The following DNAH8 variants were observed in gnomAD, a reference collection of about 807,000 sequenced individuals.
The protein encoded by DNAH8 is dynein axonemal heavy chain 8.
In DNAH8, 382 loss-of-function variants were observed where a neutral mutation model predicts 562.1. That is an observed-to-expected ratio of 0.68 (90% CI 0.63 to 0.74). The LOEUF is 0.74. Ranked by LOEUF, DNAH8 falls within the 30% of genes least tolerant of loss-of-function variation. The pLI is 0.00. For missense variants in DNAH8, 5,203 were observed against 5,620.4 expected (o/e 0.93, Z 2.37); for synonymous variants, 1,881 against 1,919.4 (o/e 0.98, Z 0.52).
At chr6:38,875,930 A>C (rs1244420708) in intron 53 of DNAH8, 102 bp downstream of exon 53, 1 of 743,652 alleles carries the variant, frequency 1.3e-6, no homozygotes, top group Non-Finnish European at 2.2e-6. Flanking sequence ...AACAATTATG[A>C]AAACATAATT....
At chr6:39,024,074 CTT>C (rs1279569372) in intron 91 of DNAH8, among the ~76,000 whole-genome samples, 15 of 152,218 alleles carry the variant, frequency 9.9e-5, no homozygotes, top group Non-Finnish European at 2.2e-4. Context: ...TGGCTTAAGT[CTT>C]TGTAGCAGAT....
chr6:38,895,943 A>G, intron 59 of DNAH8, 90 bp from the exon 60 acceptor site: 2 of 1,067,868 alleles, frequency 1.9e-6, no homozygotes, highest in Non-Finnish European at 2.8e-6. Flanking sequence ...GAGAAGGTCC[A>G]GGGTGGGGCT....
At position 38,750,654 on chromosome 6, in the gene DNAH8, A is replaced by C. The variant is rs765460224; in HGVS notation, c.1407+65A>C. The stretch of plus-strand genomic sequence containing the variant: ...GTGGCTCGCATCTGTGATTCTAGCT[A>C]CTCAGAAGGCTGAGGTGGAAGGATC... On this transcript the variant is annotated intron_variant, in intron 9 of 92. Transcript: ENST00000327475. 7.9e-6 allele frequency: 8 copies of C among 1,011,656 alleles called. No individual in the cohort carries two copies. In the Admixed American group the frequency reaches 9.8e-5, roughly 12 times the overall value. 62.7% of individuals were successfully genotyped at this position (1,011,656 alleles called of 1,614,324 possible). A position where few individuals can be genotyped will look rare whatever the true frequency, so the allele number is the denominator to read the frequency against.
chr6:38,897,524 A>G (rs1254172857), intron 60 of DNAH8, among the ~76,000 whole-genome samples: 1 of 152,252 alleles, frequency 6.6e-6, no homozygotes, highest in African/African-American at 2.4e-5. Flanking sequence ...AAACAGCAAC[A>G]TGTCATTCTT....
At chr6:38,750,778 A>G (rs1765374105) in intron 9 of DNAH8, among the ~76,000 whole-genome samples, 189 bp downstream of exon 9, 1 of 152,184 alleles carries the variant, frequency 6.6e-6, no homozygotes, top group Non-Finnish European at 1.5e-5. Context: ...TATAAAAAAA[A>G]ATAGTACAAT....
intron 88 of DNAH8, 46 bp from the exon 89 acceptor site, chr6:39,008,768 T>TA (rs751239160): frequency 1.6e-6 from 2 of 1,246,648 alleles, no homozygotes; most frequent in Non-Finnish European, 2.3e-6. Context: ...ACTTATCTCT[T>TA]ACATGTTTCC....
At chr6:38,901,727 A>G (rs182251116) in intron 62 of DNAH8, among the ~76,000 whole-genome samples, 11 of 152,258 alleles carry the variant, frequency 7.2e-5, no homozygotes. Flanking sequence ...CACACAAATC[A>G]TTCTGCTGCC....
chr6:38,958,080 C>T (rs969091472), intron 82 of DNAH8, among the ~76,000 whole-genome samples: 1 of 151,400 alleles, frequency 6.6e-6, no homozygotes, highest in African/African-American at 2.4e-5. Flanking sequence ...CGGCTCACTG[C>T]AAGCTCCGCC....
chr6:38,718,842 T>G (rs757975053), intron 1 of DNAH8, among the ~76,000 whole-genome samples: 3 of 152,184 alleles, frequency 2.0e-5, no homozygotes, highest in African/African-American at 7.2e-5. Flanking sequence ...TATGATATGA[T>G]GTCGTTCTAA....
At chr6:38,915,855 C>CAT (rs1319406835) in intron 68 of DNAH8, among the ~76,000 whole-genome samples, 56 of 58,412 alleles carry the variant, frequency 9.6e-4, no homozygotes, top group African/African-American at 1.7e-3. Context: ...CACACACATA[C>CAT]ACACACACAC....
chr6:38,823,490 A>T, intron 27 of DNAH8, 72 bp from the exon 28 acceptor site: 1 of 1,219,652 alleles, frequency 8.2e-7, no homozygotes, highest in Non-Finnish European at 1.2e-6. Context: ...GAGCAAATGC[A>T]ATTTTCTAAT....
rs139459495 is a variant in DNAH8, at chr6:38,883,899, T to G, written c.8160T>G (p.Asp2720Glu). 32 of 1,587,096 alleles carry G rather than the reference T, an allele frequency of 2.0e-5. No individual in the cohort carries two copies. Among genetic ancestry groups the G allele is most frequent in the Non-Finnish European group, 2.6e-5 (30 of 1,165,188 alleles). Residue 2720 changes from aspartate to glutamate, a missense_variant, in exon 56 of 93, where the codon GAT becomes GAG. Physicochemically the swap from Asp to Glu is conservative, Grantham distance 45. This residue lies in a region of DNAH8 where 977 missense variants were observed against 1,061.8 expected (regional missense o/e 0.92). Transcript: ENST00000327475. Reference protein sequence around the residue: ...MFQRTIESYVDKRIGSTYGPP... With the variant: ...MFQRTIESYVEKRIGSTYGPP... ...AGAGAACAATTGAAAGCTACGTGGATAAGCGAATTGGAAGCACATATGGGC... is the reference window on the plus strand; with the variant it reads ...AGAGAACAATTGAAAGCTACGTGGAGAAGCGAATTGGAAGCACATATGGGC...
intron 23 of DNAH8, among the ~76,000 whole-genome samples, chr6:38,807,327 C>G (rs1343282314): frequency 6.6e-6 from 1 of 152,102 alleles, no homozygotes; most frequent in Non-Finnish European, 1.5e-5. Flanking sequence ...ATTGAGCAAG[C>G]CAGGATTACT....
Position 38,755,146 on chromosome 6 carries a change from A to T in DNAH8, c.1408-826A>T, listed in dbSNP as rs76492165. Among the ~76,000 whole-genome samples, 74 of 152,170 alleles carry T rather than the reference A, an allele frequency of 4.9e-4. 1 individual carries two copies. In the East Asian group the frequency reaches 0.014, roughly 29 times the overall value. ...TGGCCTAGTATTATGTAGGAGTTAG[A>T]TTCCTCATCTTGGGTGTCTTTTTTC... On this transcript the variant is annotated intron_variant, in intron 9 of 92. Transcript: ENST00000327475.
intron 39 of DNAH8, 61 bp from the exon 40 acceptor site, chr6:38,852,633 A>T: frequency 8.2e-7 from 1 of 1,222,388 alleles, no homozygotes; most frequent in Non-Finnish European, 1.2e-6. Flanking sequence ...TAAGGCTTTT[A>T]AAAACATCTC....
intron 15 of DNAH8, 78 bp downstream of exon 15, chr6:38,780,143 C>A: frequency 7.4e-7 from 1 of 1,356,758 alleles, no homozygotes; most frequent in South Asian, 1.3e-5. Flanking sequence ...CCATCATTGT[C>A]TCATGCCAAG....
intron 17 of DNAH8, among the ~76,000 whole-genome samples, chr6:38,784,997 C>A (rs1055035293): frequency 6.6e-6 from 1 of 152,164 alleles, no homozygotes; most frequent in African/African-American, 2.4e-5. Flanking sequence ...AGAGTTTGTT[C>A]CCCTTGAGAA....
At chr6:38,845,994 C>A (rs1775266985) in intron 36 of DNAH8, among the ~76,000 whole-genome samples, 1 of 151,952 alleles carries the variant, frequency 6.6e-6, no homozygotes. Flanking sequence ...TCCTGGTGGG[C>A]CCCATCCTAA....
At chr6:38,988,444 G>T (rs1454628629) in intron 87 of DNAH8, among the ~76,000 whole-genome samples, 1 of 152,076 alleles carries the variant, frequency 6.6e-6, no homozygotes, top group Non-Finnish European at 1.5e-5. Context: ...GAGGACCCAG[G>T]GCCTTTGCCC....
Sources: gnomAD v4.1 joint callset for allele counts (sites outside exome capture counted in the v4.1 genomes callset) on GRCh38, gnomAD v4.1.1 for gene constraint, gnomAD v4.1.1 regional missense constraint, MANE v1.5 for transcripts, NCBI Gene and HGNC (gene_info 2026-07-23, HGNC 2026-07-21) for gene names.